DST: variants seen among roughly 807,000 people sequenced by gnomAD.
DST encodes the protein dystonin.
A neutral mutation model predicts 875.2 loss-of-function variants in DST; 253 were observed. The ratio of observed to expected loss-of-function variants is 0.29; its 90% CI spans 0.26 to 0.32. DST has a LOEUF of 0.32. DST is among the 10% of genes least tolerant of loss of function. The probability of loss-of-function intolerance (pLI) is 1.00; values close to 1 mark genes in which losing one functional copy is unlikely to be tolerated. For synonymous variants in DST, 3,124 were observed against 3,197.1 expected (o/e 0.98, Z 0.77); for missense variants, 8,287 against 9,111.6 (o/e 0.91, Z 3.68).
At position 56,573,810 on chromosome 6, in the gene DST, G is replaced by A. The variant is rs759181431; in HGVS notation, c.13105C>T (p.Arg4369Cys). Reference protein sequence around the residue: ...RNEKLQITLTRSLSVQDGLDE... With the variant: ...RNEKLQITLTCSLSVQDGLDE... ...AAGCCATCCTGCACACTCAGTGAAC[G>A]GGTCAAGGTTATCTGGAGTTTTTCA... Residue 4369 changes from arginine (R) to cysteine (C), a missense_variant, in exon 51 of 104, where the codon CGT becomes TGT. By Grantham distance (180) the Arg-to-Cys change is radical. Transcript: ENST00000680361. 6.2e-6 allele frequency: 10 copies of A among 1,613,268 alleles called. No individual in the cohort carries two copies. Among genetic ancestry groups the A allele is most frequent in the African/African-American group, 4.0e-5 (3 of 74,846 alleles).
At chr6:56,794,898 G>A (rs897084269) in intron 4 of DST, among the ~76,000 whole-genome samples, 2 of 152,104 alleles carry the variant, frequency 1.3e-5, no homozygotes. Flanking sequence ...CTGATCCCAG[G>A]AGTTCCCCCA....
At position 56,719,537 on chromosome 6, in the gene DST, G is replaced by A. The variant is rs1033297033; in HGVS notation, c.688-15168C>T. On this transcript the variant is annotated intron_variant, in intron 5 of 103. Coordinates refer to ENST00000680361, the MANE Select transcript of DST (RefSeq NM_001374736.1). ...CATAGGCTTTAACCTTGACACACAC[G>A]TAACTGAACTGTTATTTGAAAGTCA... 5.3e-5 allele frequency among the ~76,000 whole-genome samples: 8 copies of A among 152,300 alleles called. No homozygotes were observed. The South Asian group carries it at 8.3e-4, about 16-fold the overall frequency.
In DST at chr6:56,934,565, T is replaced by C. The variant is rs1323251192; in HGVS notation, c.216+19220A>G. Among the ~76,000 whole-genome samples the C allele has an allele frequency of 8.4e-5, 8 of 95,460 alleles. No homozygotes were observed. In the East Asian group the frequency reaches 1.5e-3, roughly 17 times the overall value. 62.6% of individuals were successfully genotyped at this position (95,460 alleles called of 152,430 possible). On this transcript the variant is annotated intron_variant, in intron 2 of 103. Coordinates refer to ENST00000680361, the MANE Select transcript of DST (RefSeq NM_001374736.1). ...TATACATATTATATATTATATTATATATATATATATATATATATATATATC... is the reference window on the plus strand; with the variant it reads ...TATACATATTATATATTATATTATACATATATATATATATATATATATATC...
intron 4 of DST, among the ~76,000 whole-genome samples, chr6:56,829,096 G>A (rs1256875491): frequency 6.6e-6 from 1 of 152,100 alleles, no homozygotes; most frequent in Non-Finnish European, 1.5e-5. Context: ...GGAATTAAAA[G>A]TACTATGAAA....
At position 56,487,088 on chromosome 6, in the gene DST, T is replaced by G. The variant is rs1275366301; in HGVS notation, c.21047+16A>C. 6.2e-7 allele frequency: 1 copy of G among 1,613,244 alleles called. No homozygotes were observed. The highest frequency in any genetic ancestry group is 2.2e-5 in the East Asian group (1 of 44,832). On this transcript the variant is annotated intron_variant, in intron 87 of 103. Coordinates refer to ENST00000680361, the MANE Select transcript of DST (RefSeq NM_001374736.1). ...AGGTCTACAGAGTAACCAAACTGTC[T>G]TAAAGAACATTTTACCTTTCCACAG...
At chr6:56,849,340 T>C (rs1051295034) in intron 4 of DST, among the ~76,000 whole-genome samples, 1 of 152,048 alleles carries the variant, frequency 6.6e-6, no homozygotes, top group African/African-American at 2.4e-5. Flanking sequence ...TTTCACCACA[T>C]TGACCAGGAT....
chr6:56,835,821 T>C (rs576797671), intron 4 of DST, among the ~76,000 whole-genome samples: 1 of 152,284 alleles, frequency 6.6e-6, no homozygotes, highest in South Asian at 2.1e-4. Flanking sequence ...AATACCAGGG[T>C]TCACTGGGAA....
chr6:56,777,311 T>G (rs1319800987), intron 4 of DST, among the ~76,000 whole-genome samples: 1 of 152,020 alleles, frequency 6.6e-6, no homozygotes, highest in Admixed American at 6.5e-5. Context: ...ATAAGAGAAA[T>G]ACGAAGGCAA....
chr6:56,568,043 C>T (rs1455541043), intron 55 of DST, among the ~76,000 whole-genome samples: 1 of 152,088 alleles, frequency 6.6e-6, no homozygotes, highest in Admixed American at 6.6e-5. Flanking sequence ...AGAGTGCCCA[C>T]GCTATAGAAA....
intron 78 of DST, among the ~76,000 whole-genome samples, chr6:56,502,284 AC>A (rs2096159047): frequency 6.6e-6 from 1 of 152,160 alleles, no homozygotes; most frequent in South Asian, 2.1e-4. Flanking sequence ...AGGTTAGCAA[AC>A]AGTTGCTTGT....
rs540027458 is a variant in DST, at chr6:56,668,421, T to C, written c.1214+2220A>G. ...GTTCCACAAAGGAAGGATACAATTATAGTATTTTAAAATAGGGGCCAGGCA... is the reference window on the plus strand; with the variant it reads ...GTTCCACAAAGGAAGGATACAATTACAGTATTTTAAAATAGGGGCCAGGCA... On this transcript the variant is annotated intron_variant, in intron 10 of 103. Transcript: ENST00000680361. Among the ~76,000 whole-genome samples, 140 of 152,060 alleles carry C rather than the reference T, an allele frequency of 9.2e-4. 2 individuals are homozygous for C. The highest frequency in any genetic ancestry group is 2.9e-4 in the Non-Finnish European group (20 of 68,014).
At position 56,617,521 on chromosome 6, in the gene DST, T is replaced by C. The variant is rs574222271; in HGVS notation, c.4930-3037A>G. Reference sequence around the variant, plus strand: ...AATTCTTTGAATTACAAAGACAAGATTAGTGAAAAGAAGAAAAATTTCAAA... The same window carrying C: ...AATTCTTTGAATTACAAAGACAAGACTAGTGAAAAGAAGAAAAATTTCAAA... On this transcript the variant is annotated intron_variant, in intron 36 of 103. Coordinates refer to ENST00000680361, the MANE Select transcript of DST (RefSeq NM_001374736.1). The C allele has an allele frequency of 4.2e-5, 48 of 1,142,828 alleles. No homozygotes were observed. The African/African-American group carries it at 6.3e-4, about 15-fold the overall frequency. The allele number at this position is 1,142,828 out of a possible 1,614,324, so 70.8% of individuals were successfully genotyped here. A position where few individuals can be genotyped will look rare whatever the true frequency, so the allele number is the denominator to read the frequency against.
In DST at chr6:56,900,520, A is replaced by C. The variant is rs375833647; in HGVS notation, c.318T>G (p.Ser106Arg). ...VKPVVEVHHQ[S>R]EQETSVRKRR... ...GTTTCCTCACTGAAGTTTCTTGCTC[A>C]CTCTGATGGTGAACTTCCACCACGG... Residue 106 changes from serine (S) to arginine (R), a missense_variant, in exon 3 of 104, where the codon AGT becomes AGG. Ser to Arg is a moderately radical substitution (Grantham distance 110). Around this residue, in one of 10 missense-constraint regions of DST, gnomAD observed 1,160 missense variants for 1,424.3 expected, o/e 0.81. Transcript: ENST00000680361. 22 of 1,367,450 alleles carry C rather than the reference A, an allele frequency of 1.6e-5. No homozygotes were observed. In the African/African-American group the frequency reaches 3.1e-4, roughly 19 times the overall value. 84.7% of individuals were successfully genotyped at this position (1,367,450 alleles called of 1,614,324 possible). A position where few individuals can be genotyped will look rare whatever the true frequency, so the allele number is the denominator to read the frequency against.
At chr6:56,675,114 T>C (rs1041624460) in intron 9 of DST, among the ~76,000 whole-genome samples, 1 of 152,156 alleles carries the variant, frequency 6.6e-6, no homozygotes, top group Non-Finnish European at 1.5e-5. Flanking sequence ...GCATTTATGG[T>C]CAATTGATAT....
At chr6:56,504,758 A>G (rs1048810007) in intron 77 of DST, among the ~76,000 whole-genome samples, 5 of 152,144 alleles carry the variant, frequency 3.3e-5, no homozygotes, top group African/African-American at 1.2e-4. Flanking sequence ...CAGTGGCACA[A>G]TCAAATAGCT....
In DST at chr6:56,466,135, C is replaced by T. The variant is rs1350499624; in HGVS notation, c.22630G>A (p.Val7544Ile). 1 of 1,613,442 alleles carries T rather than the reference C, an allele frequency of 6.2e-7. No individual in the cohort carries two copies. The highest frequency in any genetic ancestry group is 1.7e-5 in the Admixed American group (1 of 59,978). ...RILRSTVMVR[V>I]GGGWMALDEF... Reference sequence around the variant, plus strand: ...TCAAGTGCCATCCATCCACCTCCAACACGAACCATCACAGTACTCCGCAGG... The same window carrying T: ...TCAAGTGCCATCCATCCACCTCCAATACGAACCATCACAGTACTCCGCAGG... Residue 7544 changes from valine to isoleucine, a missense_variant, in exon 99 of 104, where the codon GTT (valine) becomes ATT (isoleucine). This residue lies in a region of DST where 87 missense variants were observed against 209.7 expected (regional missense o/e 0.41). Coordinates refer to ENST00000680361, the MANE Select transcript of DST (RefSeq NM_001374736.1).
intron 10 of DST, among the ~76,000 whole-genome samples, chr6:56,660,619 A>G (rs2099034362): frequency 6.6e-6 from 1 of 151,612 alleles, no homozygotes; most frequent in South Asian, 2.1e-4. Flanking sequence ...TCACCAAAAA[A>G]AAAAAAAGAA....
chr6:56,804,755 C>T (rs1387427264), intron 4 of DST, among the ~76,000 whole-genome samples: 2 of 152,062 alleles, frequency 1.3e-5, no homozygotes, highest in African/African-American at 2.4e-5. Flanking sequence ...TCAGTAATCC[C>T]TTACATACAA....
chr6:56,542,066 T>C (rs2097135922), intron 61 of DST, among the ~76,000 whole-genome samples: 1 of 152,224 alleles, frequency 6.6e-6, no homozygotes, highest in African/African-American at 2.4e-5. Flanking sequence ...CACTTAAAGA[T>C]GGCTTGCAGA....
Sources: allele counts gnomAD v4.1 joint callset (sites outside exome capture counted in the v4.1 genomes callset), GRCh38; gene constraint gnomAD v4.1.1; regional missense constraint gnomAD v4.1.1; transcripts MANE v1.5; gene names NCBI Gene and HGNC (gene_info 2026-07-23, HGNC 2026-07-21).